LINGO2: variants seen among roughly 807,000 people sequenced by gnomAD.
LINGO2 encodes leucine-rich repeat and immunoglobulin-like domain-containing nogo receptor-interacting protein 2.
In LINGO2, 14 loss-of-function variants were observed where a neutral mutation model predicts 30.6. The observed-to-expected ratio is 0.46, with a 90% CI of 0.30 to 0.72. The LOEUF is 0.72. Among genes scored for constraint, LINGO2 ranks in the 30% least tolerant of loss-of-function variants. The probability of loss-of-function intolerance (pLI) is 0.07; values close to 1 mark genes in which losing one functional copy is unlikely to be tolerated. For synonymous variants in LINGO2, 317 were observed against 288.5 expected (o/e 1.10, Z -1.00); for missense variants, 729 against 751.7 (o/e 0.97, Z 0.35).
the LINGO2 span, among the ~76,000 whole-genome samples, chr9:29,131,547 AC>A: frequency 6.6e-6 from 1 of 151,940 alleles, no homozygotes. Flanking sequence ...AAACTTTTCC[AC>A]TCCTATCAGA....
At chr9:28,422,492 G>C (rs756106525) in intron 2 of LINGO2, among the ~76,000 whole-genome samples, 4 of 149,314 alleles carry the variant, frequency 2.7e-5, no homozygotes, top group African/African-American at 1.0e-4. Context: ...CCGCTAGGAT[G>C]GCTACTATTA....
At chr9:28,832,951 G>A in the LINGO2 span, among the ~76,000 whole-genome samples, 1 of 145,906 alleles carries the variant, frequency 6.9e-6, no homozygotes, top group Non-Finnish European at 1.5e-5. Flanking sequence ...TCTGATATTA[G>A]TGGCTGACGT....
the LINGO2 span, among the ~76,000 whole-genome samples, chr9:28,684,253 T>C: frequency 2.4e-5 from 3 of 125,570 alleles, no homozygotes; most frequent in African/African-American, 8.7e-5. Context: ...AGTGGTGAAA[T>C]CTCGGCTCAC....
chr9:28,447,583 C>T (rs1307131119), intron 2 of LINGO2, among the ~76,000 whole-genome samples: 1 of 152,122 alleles, frequency 6.6e-6, no homozygotes, highest in Admixed American at 6.5e-5. Context: ...AGTTTGAAGT[C>T]AGCCTGGGGA....
At chr9:28,954,147 T>C in the LINGO2 span, among the ~76,000 whole-genome samples, 3 of 152,182 alleles carry the variant, frequency 2.0e-5, no homozygotes, top group Non-Finnish European at 4.4e-5. Context: ...AAATAGTTGC[T>C]TTCCTTGAAG....
intron 1 of LINGO2, among the ~76,000 whole-genome samples, chr9:28,622,963 G>C (rs1480586320): frequency 6.6e-6 from 1 of 151,532 alleles, no homozygotes; most frequent in African/African-American, 2.4e-5. Flanking sequence ...CCTTATTATA[G>C]GTCTGCTTGC....
At chr9:28,802,137 T>C in the LINGO2 span, among the ~76,000 whole-genome samples, 410 of 152,124 alleles carry the variant, frequency 2.7e-3, 4 homozygotes, top group African/African-American at 9.1e-3. Context: ...ACTTTTCTAG[T>C]TTACCTTCTA....
At chr9:28,732,268 C>A in the LINGO2 span, among the ~76,000 whole-genome samples, 54,632 of 151,648 alleles carry the variant, frequency 0.36, 11,219 homozygotes, top group African/African-American at 0.54. Flanking sequence ...CCAAGCAAAC[C>A]AAGCAAACTA....
At chr9:28,095,215 G>A (rs917188317) in intron 4 of LINGO2, among the ~76,000 whole-genome samples, 5 of 152,078 alleles carry the variant, frequency 3.3e-5, no homozygotes. Context: ...ACCCACAGGA[G>A]GGCCTATGAC....
At chr9:29,119,567 C>A in the LINGO2 span, among the ~76,000 whole-genome samples, 5,899 of 144,074 alleles carry the variant, frequency 0.041, 192 homozygotes, top group Admixed American at 0.077. Flanking sequence ...ATATTACAAA[C>A]AGTTGTCATC....
intron 4 of LINGO2, among the ~76,000 whole-genome samples, chr9:28,030,875 G>A (rs1823633500): frequency 6.6e-6 from 1 of 152,288 alleles, no homozygotes; most frequent in Admixed American, 6.5e-5. Context: ...AGACTCTGAA[G>A]TCATTTAAGT....
intron 4 of LINGO2, among the ~76,000 whole-genome samples, chr9:28,279,163 T>C (rs1323485089): frequency 6.6e-6 from 1 of 152,210 alleles, no homozygotes; most frequent in Non-Finnish European, 1.5e-5. Flanking sequence ...TTGCTTCTTA[T>C]GGATAAGCAA....
At chr9:27,960,065 T>C (rs371227016) in intron 5 of LINGO2, among the ~76,000 whole-genome samples, 2 of 152,086 alleles carry the variant, frequency 1.3e-5, no homozygotes, top group East Asian at 3.8e-4. Flanking sequence ...GGTAATATAT[T>C]GGGGGTTATT....
the LINGO2 span, among the ~76,000 whole-genome samples, chr9:29,131,354 T>G: frequency 6.6e-6 from 1 of 152,128 alleles, no homozygotes; most frequent in African/African-American, 2.4e-5. Context: ...AATTAATGGA[T>G]TCTGGGTATT....
At chr9:28,392,791 A>G (rs1564171371) in intron 2 of LINGO2, among the ~76,000 whole-genome samples, 1 of 152,220 alleles carries the variant, frequency 6.6e-6, no homozygotes, top group Non-Finnish European at 1.5e-5. Flanking sequence ...CTTGTTATGA[A>G]TAACAAAAGA....
the LINGO2 span, among the ~76,000 whole-genome samples, chr9:29,197,061 A>G: frequency 1.3e-5 from 2 of 152,052 alleles, 1 homozygote; most frequent in Non-Finnish European, 2.9e-5. Context: ...GGTAACCTCA[A>G]AACTTTAGGC....
At chr9:28,549,096 T>A (rs1250368431) in intron 1 of LINGO2, among the ~76,000 whole-genome samples, 2 of 152,118 alleles carry the variant, frequency 1.3e-5, no homozygotes, top group African/African-American at 2.4e-5. Context: ...TTGCTTCAGA[T>A]GTAATAAAAC....
chr9:28,822,730 AG>A, the LINGO2 span, among the ~76,000 whole-genome samples: 1 of 152,096 alleles, frequency 6.6e-6, no homozygotes, highest in Non-Finnish European at 1.5e-5. Flanking sequence ...CTTCCTCCTC[AG>A]GTTGCAGACG....
the LINGO2 span, among the ~76,000 whole-genome samples, chr9:28,985,649 T>C: frequency 5.9e-4 from 90 of 152,228 alleles, no homozygotes; most frequent in South Asian, 0.017. Flanking sequence ...ATGTTGGACA[T>C]TTGTATGTCT....
Sources: allele counts gnomAD v4.1 joint callset (sites outside exome capture counted in the v4.1 genomes callset), GRCh38; gene constraint gnomAD v4.1.1; transcripts MANE v1.5; gene names NCBI Gene and HGNC (gene_info 2026-07-23, HGNC 2026-07-21).